The following HRH1 variants were observed in gnomAD, a reference collection of about 807,000 sequenced individuals.
HRH1 encodes histamine H1 receptor.
Under a neutral mutation model 10.3 loss-of-function variants are expected in HRH1, and 6 were observed. The observed-to-expected ratio is 0.58, with a 90% confidence interval of 0.32 to 1.15. The LOEUF (loss-of-function observed/expected upper bound fraction) is 1.15, where lower values mean the gene tolerates loss of function less well. Ranked by LOEUF, HRH1 falls within the 50% of genes most tolerant of loss-of-function variation. HRH1 has a pLI of 0.05. For synonymous variants in HRH1, 242 were observed against 236.7 expected (o/e 1.02, Z -0.21); for missense variants, 514 against 615.3 (o/e 0.84, Z 1.74).
chr3:11,161,825 G>A (rs1029783015), intron 1 of HRH1, among the ~76,000 whole-genome samples: 1 of 152,178 alleles, frequency 6.6e-6, no homozygotes, highest in African/African-American at 2.4e-5. Flanking sequence ...CCATTAACAA[G>A]CCAGGAACTC....
At chr3:11,254,440 C>A (rs1188124685) in intron 1 of HRH1, among the ~76,000 whole-genome samples, 1 of 152,224 alleles carries the variant, frequency 6.6e-6, no homozygotes, top group African/African-American at 2.4e-5. Flanking sequence ...GTGTCTTACT[C>A]ACACACTTTC....
intron 1 of HRH1, among the ~76,000 whole-genome samples, chr3:11,171,882 T>A (rs1419097706): frequency 6.6e-6 from 1 of 152,256 alleles, no homozygotes; most frequent in Admixed American, 6.5e-5. Flanking sequence ...CTTGCTTGCT[T>A]ACTCAGTAAG....
At chr3:11,228,282 G>A (rs7633534) in intron 1 of HRH1, among the ~76,000 whole-genome samples, 4,083 of 152,276 alleles carry the variant, frequency 0.027, 79 homozygotes, top group African/African-American at 0.05. Flanking sequence ...GCTTTAGGAG[G>A]CCAAGGCAGA....
At chr3:11,143,848 G>A (rs1251625198) in intron 1 of HRH1, among the ~76,000 whole-genome samples, 2 of 152,026 alleles carry the variant, frequency 1.3e-5, no homozygotes, top group South Asian at 2.1e-4. Flanking sequence ...CCTTCAAGCC[G>A]GATCTTTTTT....
intron 1 of HRH1, among the ~76,000 whole-genome samples, chr3:11,211,686 C>A (rs1040988508): frequency 7.2e-5 from 11 of 152,206 alleles, no homozygotes; most frequent in African/African-American, 2.7e-4. Context: ...TTGGAATGGA[C>A]AGGGGCAAGG....
chr3:11,231,376 A>G (rs1210760326), intron 1 of HRH1, among the ~76,000 whole-genome samples: 1 of 152,166 alleles, frequency 6.6e-6, no homozygotes, highest in Non-Finnish European at 1.5e-5. Flanking sequence ...ACTCAAGTTT[A>G]TGGTAGTTAC....
At position 11,155,183 on chromosome 3, in the gene HRH1, C is replaced by T. The variant is rs149528285; in HGVS notation, c.-36+629C>T. Among the ~76,000 whole-genome samples, 543 of 152,228 alleles carry T rather than the reference C, an allele frequency of 3.6e-3. 4 individuals carry two copies. The highest frequency in any genetic ancestry group is 6.4e-3 in the Non-Finnish European group (436 of 68,006). On this transcript the variant is annotated intron_variant, in intron 1 of 1. Coordinates refer to ENST00000431010, the MANE Select transcript of HRH1 (RefSeq NM_001098212.2). The stretch of plus-strand genomic sequence containing the variant: ...GAGTCGGGGGTGGGAACTGTCCGGA[C>T]CACCACCCGCCCTTCCCCTGCAGTT...
upstream of HRH1, among the ~76,000 whole-genome samples, chr3:11,151,131 G>C (rs758618264): frequency 6.6e-6 from 1 of 152,180 alleles, no homozygotes; most frequent in African/African-American, 2.4e-5. Flanking sequence ...CAACTGTAAC[G>C]GTTTCAGGAC....
intron 1 of HRH1, among the ~76,000 whole-genome samples, chr3:11,223,557 G>A (rs902063120): frequency 9.9e-5 from 15 of 152,148 alleles, no homozygotes; most frequent in Non-Finnish European, 1.8e-4. Context: ...ACCCTTTAGA[G>A]TTCCTCCAGC....
intron 1 of HRH1, among the ~76,000 whole-genome samples, chr3:11,243,870 G>A (rs758976361): frequency 2.6e-5 from 4 of 152,192 alleles, no homozygotes; most frequent in Non-Finnish European, 4.4e-5. Flanking sequence ...CACCACGTTT[G>A]TCCCAGCTGA....
chr3:11,144,882 A>G (rs185138689), intron 1 of HRH1, among the ~76,000 whole-genome samples: 234 of 152,084 alleles, frequency 1.5e-3, no homozygotes, highest in African/African-American at 5.4e-3. Context: ...AAAAATATAT[A>G]ATAAATAAAT....
rs1000318364 is a variant in HRH1, at chr3:11,202,619, A to G, written c.-36+48065A>G. ...ACGAAGACTTTATTTTTCTTCAAGC[A>G]GTCTTAGGGTCACAGCAAAATTCTG... On this transcript the variant is annotated intron_variant, in intron 1 of 1. Transcript: ENST00000431010. 3.9e-5 allele frequency among the ~76,000 whole-genome samples: 6 copies of G among 152,078 alleles called. No homozygotes were observed. In the East Asian group the frequency reaches 7.7e-4, roughly 20 times the overall value.
At position 11,190,336 on chromosome 3, in the gene HRH1, ACT is replaced by A. The variant is rs1937514713; in HGVS notation, c.-36+35785_-36+35786del. 1.3e-5 allele frequency among the ~76,000 whole-genome samples: 2 copies of A among 151,240 alleles called. 1 individual carries two copies. The highest frequency in any genetic ancestry group is 4.2e-4 in the South Asian group (2 of 4,776). On this transcript the variant is annotated intron_variant, in intron 1 of 1. Transcript: ENST00000431010. ...AGACCAGCCTGAGCAACATAGTGAG[ACT>A]CTGTCTCTAGTAATATATATATATA...
At chr3:11,168,665 A>C (rs1362404910) in intron 1 of HRH1, among the ~76,000 whole-genome samples, 10 of 152,232 alleles carry the variant, frequency 6.6e-5, no homozygotes, top group Admixed American at 6.5e-4. Flanking sequence ...GCGAGCATGC[A>C]GGGCCCTAGC....
intron 1 of HRH1, among the ~76,000 whole-genome samples, chr3:11,229,445 T>C (rs939221245): frequency 6.6e-6 from 1 of 152,190 alleles, no homozygotes; most frequent in Non-Finnish European, 1.5e-5. Flanking sequence ...AAACAATATA[T>C]GACGAGATTT....
intron 1 of HRH1, among the ~76,000 whole-genome samples, chr3:11,170,441 A>G (rs1299372651): frequency 6.6e-6 from 1 of 152,200 alleles, no homozygotes; most frequent in Non-Finnish European, 1.5e-5. Context: ...CACACCCCAC[A>G]CTGGGCAGTG....
At chr3:11,241,708 C>T (rs913662313) in intron 1 of HRH1, among the ~76,000 whole-genome samples, 5 of 152,040 alleles carry the variant, frequency 3.3e-5, no homozygotes, top group African/African-American at 4.8e-5. Flanking sequence ...TGGTAGCGGG[C>T]GCCTGTGGTC....
At chr3:11,152,090 G>T (rs1936642602), upstream of HRH1, among the ~76,000 whole-genome samples, 1 of 152,100 alleles carries the variant, frequency 6.6e-6, no homozygotes, top group Non-Finnish European at 1.5e-5. Context: ...GTCTGATCTT[G>T]GGAAGACTTA....
chr3:11,250,208 ATTTTTTTTTTTT>A (rs71055857), intron 1 of HRH1, among the ~76,000 whole-genome samples: 1 of 106,910 alleles, frequency 9.4e-6, no homozygotes, highest in Non-Finnish European at 1.8e-5. Flanking sequence ...CACCCGGCTA[ATTTTTTTTTTTT>A]TTTTTTTTTT....
Sources: allele counts gnomAD v4.1 joint callset (sites outside exome capture counted in the v4.1 genomes callset), GRCh38; gene constraint gnomAD v4.1.1; transcripts MANE v1.5; gene names NCBI Gene and HGNC (gene_info 2026-07-23, HGNC 2026-07-21).